CRIM1: variants seen among roughly 807,000 people sequenced by gnomAD.
CRIM1 encodes cysteine-rich motor neuron 1 protein.
Under a neutral mutation model 116.4 loss-of-function variants are expected in CRIM1, and 32 were observed. The ratio of observed to expected loss-of-function variants is 0.27; its 90% CI spans 0.21 to 0.37. The LOEUF (loss-of-function observed/expected upper bound fraction) is 0.37. CRIM1 is among the 10% of genes least tolerant of loss of function. The pLI, the probability that CRIM1 is intolerant of heterozygous loss-of-function variation, is 1.00. For missense variants in CRIM1, 1,331 were observed against 1,354.8 expected (o/e 0.98, Z 0.28); for synonymous variants, 590 against 509.2 (o/e 1.16, Z -2.13).
intron 2 of CRIM1, 117 bp downstream of exon 2, chr2:36,396,904 G>A (rs1672069126): frequency 2.3e-6 from 2 of 863,008 alleles, no homozygotes; most frequent in Non-Finnish European, 1.8e-6. Context: ...GTGGTAGTTT[G>A]TATAATCCCA....
intron 2 of CRIM1, among the ~76,000 whole-genome samples, chr2:36,430,606 C>T (rs1674810793): frequency 6.6e-6 from 1 of 152,150 alleles, no homozygotes; most frequent in African/African-American, 2.4e-5. Flanking sequence ...AAACGCGGGG[C>T]TCCATCAGGG....
At chr2:36,432,412 G>A (rs1674966987) in intron 2 of CRIM1, among the ~76,000 whole-genome samples, 1 of 152,142 alleles carries the variant, frequency 6.6e-6, no homozygotes, top group Non-Finnish European at 1.5e-5. Context: ...TTTTCTGGGA[G>A]TAGGTTGGAT....
intron 2 of CRIM1, among the ~76,000 whole-genome samples, chr2:36,427,928 A>G (rs929049785): frequency 3.3e-5 from 5 of 152,196 alleles, no homozygotes; most frequent in Admixed American, 3.3e-4. Flanking sequence ...GGTGGACAGC[A>G]CTATAGCTGT....
chr2:36,386,705 C>T lies in CRIM1; in HGVS notation c.332-9909C>T, dbSNP rs190795555. On this transcript the variant is annotated intron_variant, in intron 1 of 16. Transcript: ENST00000280527. ...ATCGTTAGTTTCAAAGAACCCACTT[C>T]GGGTAAAGGAGATTAGATGAACAAT... Among the ~76,000 whole-genome samples, 306 of 152,266 alleles carry T rather than the reference C, an allele frequency of 2.0e-3. 2 individuals carry two copies. Among genetic ancestry groups the T allele is most frequent in the Middle Eastern group, 3.4e-3 (1 of 294 alleles).
At chr2:36,362,333 C>G (rs1486789242) in intron 1 of CRIM1, among the ~76,000 whole-genome samples, 1 of 152,122 alleles carries the variant, frequency 6.6e-6, no homozygotes, top group East Asian at 1.9e-4. Flanking sequence ...TGAATTTGAA[C>G]TAGGTTTAAA....
At chr2:36,486,272 G>A (rs1432376864) in intron 7 of CRIM1, among the ~76,000 whole-genome samples, 1 of 152,178 alleles carries the variant, frequency 6.6e-6, no homozygotes, top group African/African-American at 2.4e-5. Context: ...TTAAACAAGT[G>A]TAGAAATAAA....
chr2:36,534,045 C>G (rs1302037220), intron 13 of CRIM1, among the ~76,000 whole-genome samples: 11 of 101,412 alleles, frequency 1.1e-4, no homozygotes, highest in African/African-American at 4.0e-4. Context: ...GAAGGAAGGA[C>G]AGAGGGAGAA....
intron 1 of CRIM1, among the ~76,000 whole-genome samples, chr2:36,391,002 G>A (rs953954094): frequency 2.0e-5 from 3 of 151,594 alleles, no homozygotes; most frequent in Admixed American, 6.6e-5. Flanking sequence ...TAGAGACAGG[G>A]TTTCGTCATG....
intron 2 of CRIM1, among the ~76,000 whole-genome samples, chr2:36,397,391 G>A (rs555013451): frequency 1.7e-4 from 26 of 152,072 alleles, no homozygotes; most frequent in Non-Finnish European, 3.5e-4. Flanking sequence ...AAAACTTCAA[G>A]AAATTGAATA....
chr2:36,421,446 G>A (rs1352364511), intron 2 of CRIM1, among the ~76,000 whole-genome samples: 5 of 152,092 alleles, frequency 3.3e-5, no homozygotes, highest in African/African-American at 1.2e-4. Context: ...CTGTTTTCTG[G>A]TGGTAGTAAG....
chr2:36,511,901 A>T (rs1206331048), intron 9 of CRIM1, among the ~76,000 whole-genome samples: 1 of 152,156 alleles, frequency 6.6e-6, no homozygotes, highest in African/African-American at 2.4e-5. Context: ...GGGTGGATGG[A>T]TGGAGAAACA....
intron 7 of CRIM1, among the ~76,000 whole-genome samples, chr2:36,491,759 G>A (rs928796104): frequency 1.2e-4 from 18 of 152,060 alleles, no homozygotes; most frequent in Non-Finnish European, 2.4e-4. Context: ...AAGTCTGACC[G>A]CCTGACCCAT....
At chr2:36,512,528 C>G in intron 10 of CRIM1, 134 bp downstream of exon 10, 1 of 911,396 alleles carries the variant, frequency 1.1e-6, no homozygotes, top group Non-Finnish European at 1.6e-6. Context: ...CTCTGTGGGA[C>G]CGTCCCACAG....
At position 36,512,369 on chromosome 2, in the gene CRIM1, C is replaced by T. The variant is rs754851164; in HGVS notation, c.1755C>T (p.His585=). 1.9e-5 allele frequency: 30 copies of T among 1,613,254 alleles called. No homozygotes were observed. In the Middle Eastern group the frequency reaches 4.9e-4, roughly 27 times the overall value. The stretch of plus-strand genomic sequence containing the variant: ...CCTTGGGTTTCCAGCAGGACAGTCA[C>T]GGCTGTCTTATCTGCAAGTGCAGAG... ...ICPLGFQQDS[H]GCLICKCREA... Residue 585 remains histidine, a synonymous_variant, in exon 10 of 17, where the codon CAC becomes CAT. Transcript: ENST00000280527.
At chr2:36,540,370 A>G (rs1666866838) in intron 14 of CRIM1, among the ~76,000 whole-genome samples, 1 of 152,214 alleles carries the variant, frequency 6.6e-6, no homozygotes, top group Admixed American at 6.5e-5. Context: ...TGCCAAGTTC[A>G]TGAATAAGAC....
In CRIM1 at chr2:36,463,068, ACCCTCTTCT is replaced by A. The variant is rs1221780465; in HGVS notation, c.870-1462_870-1454del. ...TGCAGCAAAACCTGAATGACCTAAC[ACCCTCTTCT>A]CCCAGGAATCCAATAGAACTGCCAC... On this transcript the variant is annotated intron_variant, in intron 4 of 16. Coordinates refer to ENST00000280527, the MANE Select transcript of CRIM1 (RefSeq NM_016441.3). Among the ~76,000 whole-genome samples the A allele has an allele frequency of 2.0e-5, 3 of 151,974 alleles. No homozygotes were observed. In the East Asian group the frequency reaches 5.8e-4, roughly 29 times the overall value.
chr2:36,371,491 C>A (rs1034130473), intron 1 of CRIM1, among the ~76,000 whole-genome samples: 2 of 152,118 alleles, frequency 1.3e-5, no homozygotes, highest in Non-Finnish European at 2.9e-5. Context: ...TTCATCGAAC[C>A]ATTTGGTCTG....
At chr2:36,513,862 C>A in intron 11 of CRIM1, 97 bp downstream of exon 11, 1 of 1,077,742 alleles carries the variant, frequency 9.3e-7, no homozygotes, top group Non-Finnish European at 1.4e-6. Context: ...TTGGAGGGGA[C>A]AACCCCTGGA....
At chr2:36,376,319 A>G (rs1038451249) in intron 1 of CRIM1, among the ~76,000 whole-genome samples, 12 of 152,190 alleles carry the variant, frequency 7.9e-5, no homozygotes, top group African/African-American at 2.7e-4. Context: ...ATGGATTTGT[A>G]TCTTCCTTGC....
Sources: gnomAD v4.1 joint callset for allele counts (sites outside exome capture counted in the v4.1 genomes callset) on GRCh38, gnomAD v4.1.1 for gene constraint, MANE v1.5 for transcripts, NCBI Gene and HGNC (gene_info 2026-07-23, HGNC 2026-07-21) for gene names.